The following SNTG1 variants were observed in gnomAD, a reference collection of about 807,000 sequenced individuals.
SNTG1 encodes the protein gamma-1-syntrophin.
Under a neutral mutation model 74.7 loss-of-function variants are expected in SNTG1, and 39 were observed. The observed-to-expected ratio is 0.52, with a 90% CI of 0.40 to 0.68. The LOEUF (loss-of-function observed/expected upper bound fraction) is 0.68. Ranked by LOEUF, SNTG1 falls within the 30% of genes least tolerant of loss-of-function variation. The pLI is 0.00. For missense variants in SNTG1, 685 were observed against 609.5 expected (o/e 1.12, Z -1.30); for synonymous variants, 254 against 217.1 (o/e 1.17, Z -1.49).
At chr8:50,107,084 A>G (rs1190602322) in intron 1 of SNTG1, among the ~76,000 whole-genome samples, 1 of 152,208 alleles carries the variant, frequency 6.6e-6, no homozygotes, top group African/African-American at 2.4e-5. Context: ...AGTCTAAATT[A>G]AAAGAATTAC....
chr8:50,030,014 T>A (rs1238273774), intron 1 of SNTG1, among the ~76,000 whole-genome samples: 1 of 152,120 alleles, frequency 6.6e-6, no homozygotes, highest in Non-Finnish European at 1.5e-5. Context: ...GCATTTTTTA[T>A]TGCTTACCGT....
At chr8:50,340,923 C>T (rs2091297155) in intron 2 of SNTG1, among the ~76,000 whole-genome samples, 1 of 151,824 alleles carries the variant, frequency 6.6e-6, no homozygotes, top group Admixed American at 6.6e-5. Flanking sequence ...CAAAGTAAAG[C>T]ACAAATTGCT....
chr8:50,720,143 A>T (rs1373609056), intron 17 of SNTG1, among the ~76,000 whole-genome samples: 1 of 152,184 alleles, frequency 6.6e-6, no homozygotes, highest in Non-Finnish European at 1.5e-5. Context: ...ACGACATTTC[A>T]AAAGTGTGTT....
chr8:50,770,817 T>C (rs2095625207), intron 18 of SNTG1, among the ~76,000 whole-genome samples: 1 of 152,028 alleles, frequency 6.6e-6, no homozygotes, highest in African/African-American at 2.4e-5. Context: ...TTAAAACAAG[T>C]CTGGCTTCAC....
At chr8:50,537,875 C>T (rs1237625531) in intron 11 of SNTG1, among the ~76,000 whole-genome samples, 1 of 152,076 alleles carries the variant, frequency 6.6e-6, no homozygotes, top group Non-Finnish European at 1.5e-5. Context: ...AACTTTTTCA[C>T]AAAAACAGGT....
At chr8:50,428,658 G>A (rs2131508528) in intron 4 of SNTG1, among the ~76,000 whole-genome samples, 1 of 152,248 alleles carries the variant, frequency 6.6e-6, no homozygotes, top group East Asian at 1.9e-4. Flanking sequence ...TGTAGCAAGA[G>A]AGAAAAACCC....
At chr8:50,261,253 T>C (rs561453617) in intron 2 of SNTG1, among the ~76,000 whole-genome samples, 16 of 152,260 alleles carry the variant, frequency 1.1e-4, no homozygotes, top group African/African-American at 3.6e-4. Flanking sequence ...TCAAGTAAAA[T>C]ATTTAAAGTT....
At position 50,145,525 on chromosome 8, in the gene SNTG1, C is replaced by G. The variant is rs188513887; in HGVS notation, c.-102-27036C>G. ...AGCCTACTAATGTGAATTTTGGGCC[C>G]TTTTGTAGACTTACTCAAGATGAAA... On this transcript the variant is annotated intron_variant, in intron 1 of 18. Transcript: ENST00000642720. Among the ~76,000 whole-genome samples the G allele has an allele frequency of 3.4e-3, 513 of 152,156 alleles. 2 individuals are homozygous for G. Among genetic ancestry groups the G allele is most frequent in the Admixed American group, 6.3e-3 (96 of 15,276 alleles).
intron 1 of SNTG1, among the ~76,000 whole-genome samples, chr8:50,058,496 T>C (rs1820209728): frequency 1.3e-5 from 2 of 152,118 alleles, no homozygotes; most frequent in South Asian, 4.1e-4. Context: ...GAGCAGAATT[T>C]AGAAAACATA....
At chr8:50,102,439 A>C (rs2080173955) in intron 1 of SNTG1, among the ~76,000 whole-genome samples, 2 of 146,934 alleles carry the variant, frequency 1.4e-5, no homozygotes, top group Non-Finnish European at 3.0e-5. Flanking sequence ...GTTTGAGTTC[A>C]TTGTAGATTC....
Position 50,704,765 on chromosome 8 carries a change from G to A in SNTG1, c.1191+13G>A. ...AGAACGGATACAGGTGAGAGTCTGT[G>A]GGACTGCAGGATGTGTGGCTCCCTC... On this transcript the variant is annotated intron_variant, in intron 16 of 18. Coordinates refer to ENST00000642720, the MANE Select transcript of SNTG1 (RefSeq NM_018967.5). 1.2e-6 allele frequency: 2 copies of A among 1,613,682 alleles called. No homozygotes were observed. Among genetic ancestry groups the A allele is most frequent in the Non-Finnish European group, 1.7e-6 (2 of 1,179,784 alleles).
chr8:50,290,753 A>ATTTTG (rs761483767), intron 2 of SNTG1, among the ~76,000 whole-genome samples: 1 of 151,808 alleles, frequency 6.6e-6, no homozygotes. Flanking sequence ...GGATTTATTT[A>ATTTTG]TTTTGTTTTG....
intron 1 of SNTG1, among the ~76,000 whole-genome samples, chr8:50,068,137 G>A (rs933890643): frequency 2.0e-5 from 3 of 152,062 alleles, no homozygotes; most frequent in African/African-American, 7.2e-5. Flanking sequence ...AATCAGTTTT[G>A]GTCCTTGATC....
intron 13 of SNTG1, among the ~76,000 whole-genome samples, chr8:50,650,279 G>A (rs745376271): frequency 1.3e-5 from 2 of 151,794 alleles, no homozygotes; most frequent in Admixed American, 1.3e-4. Flanking sequence ...GGTTCAGATT[G>A]TGAATTATAT....
At chr8:50,623,469 T>C (rs889911991) in intron 13 of SNTG1, among the ~76,000 whole-genome samples, 3 of 152,114 alleles carry the variant, frequency 2.0e-5, no homozygotes, top group Non-Finnish European at 2.9e-5. Flanking sequence ...AACATCTGAG[T>C]ATCTTGTAGC....
intron 2 of SNTG1, among the ~76,000 whole-genome samples, chr8:50,212,826 C>T (rs138078495): frequency 6.6e-6 from 1 of 152,162 alleles, no homozygotes; most frequent in East Asian, 1.9e-4. Flanking sequence ...CATTCAGTTT[C>T]TTCCAGCAGC....
chr8:50,772,885 T>G (rs2095630810), intron 18 of SNTG1, among the ~76,000 whole-genome samples: 1 of 152,042 alleles, frequency 6.6e-6, no homozygotes, highest in African/African-American at 2.4e-5. Flanking sequence ...CTTCCTCAGT[T>G]TCTCTGTCTT....
At chr8:50,075,996 A>C (rs1322450398) in intron 1 of SNTG1, among the ~76,000 whole-genome samples, 3 of 152,192 alleles carry the variant, frequency 2.0e-5, no homozygotes, top group African/African-American at 7.2e-5. Flanking sequence ...GAGACCAAGA[A>C]ACCACCCCTT....
intron 9 of SNTG1, among the ~76,000 whole-genome samples, chr8:50,507,873 C>T (rs919342517): frequency 1.3e-5 from 2 of 150,206 alleles, no homozygotes; most frequent in African/African-American, 4.9e-5. Flanking sequence ...TGTGATGTTC[C>T]CCTTCCTGTG....
Sources: allele counts gnomAD v4.1 joint callset (sites outside exome capture counted in the v4.1 genomes callset), GRCh38; gene constraint gnomAD v4.1.1; transcripts MANE v1.5; gene names NCBI Gene and HGNC (gene_info 2026-07-23, HGNC 2026-07-21).